Variants in USP47 observed in about 807,000 individuals in gnomAD.
USP47 encodes the protein ubiquitin carboxyl-terminal hydrolase 47.
In USP47, 35 loss-of-function variants were observed where a neutral mutation model predicts 165.1. The ratio of observed to expected loss-of-function variants is 0.21; its 90% CI spans 0.16 to 0.28. The LOEUF is 0.28. Ranked by LOEUF, USP47 falls within the 10% of genes least tolerant of loss-of-function variation. USP47 has a pLI of 1.00. For missense variants in USP47, 1,277 were observed against 1,607.4 expected (o/e 0.79, Z 3.52); for synonymous variants, 531 against 544.5 (o/e 0.98, Z 0.35).
chr11:11,945,427 A>C (rs553429977), intron 20 of USP47, among the ~76,000 whole-genome samples: 17 of 152,328 alleles, frequency 1.1e-4, no homozygotes, highest in African/African-American at 3.9e-4. Flanking sequence ...CTCAGGCAAT[A>C]ATCTGTACTT....
rs1375042113 is a variant in USP47 at position 11,955,076 on chromosome 11, C to T, written c.3805C>T (p.His1269Tyr). 6.2e-7 allele frequency: 1 copy of T among 1,613,696 alleles called. No homozygotes were observed. Among genetic ancestry groups the T allele is most frequent in the East Asian group, 2.2e-5 (1 of 44,826 alleles). ...CTGTGATATTTCTGTCCTTGATATT[C>T]ATCAGGATTTAGACTGGAATCCTAA... is the stretch of plus-strand genomic sequence containing the variant. ...FPCDISVLDI[H>Y]QDLDWNPKVS... is the part of the protein sequence containing the mutation. The change falls in exon 27 of 28, where the codon CAT becomes TAT. Residue 1269 changes from histidine (H) to tyrosine (Y), a missense_variant. Coordinates refer to ENST00000527733, the MANE Select transcript of USP47 (RefSeq NM_001282659.2).
At chr11:11,938,526 G>C (rs1855237868) in intron 18 of USP47, among the ~76,000 whole-genome samples, 154 bp downstream of exon 18, 1 of 152,030 alleles carries the variant, frequency 6.6e-6, no homozygotes, top group Non-Finnish European at 1.5e-5. Flanking sequence ...GAAACAGATT[G>C]AGTAAAGTGT....
intron 25 of USP47, among the ~76,000 whole-genome samples, chr11:11,953,074 A>T (rs2134891557): frequency 6.6e-6 from 1 of 152,264 alleles, no homozygotes; most frequent in East Asian, 1.9e-4. Context: ...CAGGCTCCTG[A>T]TTCTTTGAAA....
chr11:11,940,147 A>C (rs1346484490), intron 18 of USP47, among the ~76,000 whole-genome samples: 1 of 152,032 alleles, frequency 6.6e-6, no homozygotes, highest in East Asian at 1.9e-4. Context: ...TTACTTGGCA[A>C]GTTTGAGAGC....
chr11:11,876,784 G>T (rs1474562503), intron 1 of USP47, among the ~76,000 whole-genome samples: 4 of 152,264 alleles, frequency 2.6e-5, no homozygotes, highest in East Asian at 3.9e-4. Context: ...AAGAGGGAAT[G>T]TTTCCAAGAA....
At chr11:11,891,755 G>A (rs1354240021) in intron 3 of USP47, among the ~76,000 whole-genome samples, 2 of 152,152 alleles carry the variant, frequency 1.3e-5, no homozygotes, top group Admixed American at 1.3e-4. Context: ...GAGTACAATG[G>A]TACTTTTCGT....
chr11:11,891,470 A>G (rs1439746291), intron 3 of USP47, among the ~76,000 whole-genome samples: 1 of 152,250 alleles, frequency 6.6e-6, no homozygotes, highest in African/African-American at 2.4e-5. Flanking sequence ...TCTGAGTGAC[A>G]TTGAAATCTA....
At chr11:11,855,421 T>C (rs541307813) in intron 1 of USP47, among the ~76,000 whole-genome samples, 89 of 152,328 alleles carry the variant, frequency 5.8e-4, no homozygotes, top group Admixed American at 3.5e-3. Context: ...ATGCTTTAAA[T>C]TTGATGCTGT....
At chr11:11,935,999 AC>A (rs1855034422) in intron 16 of USP47, among the ~76,000 whole-genome samples, 1 of 151,994 alleles carries the variant, frequency 6.6e-6, no homozygotes, top group Non-Finnish European at 1.5e-5. Flanking sequence ...AACAATAGTT[AC>A]AATACATTGA....
intron 18 of USP47, 110 bp downstream of exon 18, chr11:11,938,482 A>C (rs555877245): frequency 1.3e-6 from 1 of 769,970 alleles, no homozygotes; most frequent in African/African-American, 1.8e-5. Context: ...GGAGCTAATT[A>C]ATATTTGTAG....
At chr11:11,930,661 T>C (rs752009359) in intron 13 of USP47, 35 bp from the exon 14 acceptor site, 1 of 1,474,876 alleles carries the variant, frequency 6.8e-7, no homozygotes. Context: ...TAATCTACTT[T>C]TTGTCCTTAT....
rs766447619 is a variant in USP47, at chr11:11,922,750, T to C, written c.1245T>C (p.Thr415=). ...AATCTCCTCAGACTGAAAGTTGCACTGACAGTGGAGCAGAAAATGAAGGTA... is the reference window on the plus strand; with the variant it reads ...AATCTCCTCAGACTGAAAGTTGCACCGACAGTGGAGCAGAAAATGAAGGTA... ...DEKSPQTESC[T]DSGAENEGSC... is the part of the protein sequence containing the mutation. The change falls in exon 11 of 28, where the codon ACT becomes ACC. Residue 415 remains threonine (T), a synonymous_variant. Coordinates refer to ENST00000527733, the MANE Select transcript of USP47 (RefSeq NM_001282659.2). The C allele has an allele frequency of 6.2e-7, 1 of 1,610,534 alleles. No individual in the cohort carries two copies. Among genetic ancestry groups the C allele is most frequent in the South Asian group, 1.1e-5 (1 of 90,768 alleles).
chr11:11,944,992 A>G (rs1855730604), intron 20 of USP47, among the ~76,000 whole-genome samples: 1 of 152,226 alleles, frequency 6.6e-6, no homozygotes, highest in Non-Finnish European at 1.5e-5. Context: ...AATCTTTTAA[A>G]TGGAGAATGT....
intron 7 of USP47, among the ~76,000 whole-genome samples, chr11:11,903,871 G>C (rs1323103249): frequency 2.6e-5 from 4 of 152,086 alleles, no homozygotes; most frequent in Non-Finnish European, 5.9e-5. Flanking sequence ...AAGGCTGAAT[G>C]GGATGGGGCT....
chr11:11,890,936 C>G (rs1391561666), intron 3 of USP47, among the ~76,000 whole-genome samples: 1 of 152,132 alleles, frequency 6.6e-6, no homozygotes, highest in Non-Finnish European at 1.5e-5. Flanking sequence ...TACATGTTCT[C>G]ACTTATAAGT....
chr11:11,918,647 A>G (rs1853600086), intron 8 of USP47, among the ~76,000 whole-genome samples: 1 of 152,028 alleles, frequency 6.6e-6, no homozygotes, highest in African/African-American at 2.4e-5. Flanking sequence ...GAATATGAGT[A>G]AAGTATTTGA....
chr11:11,943,044 A>G lies in USP47; in HGVS notation c.3023A>G (p.Glu1008Gly). ...GATGAGAGTGGCAAGAGTAGGGGAG[A>G]AATGCAGTACATGTATTTCAAAGCT... ...EYDESGKSRG[E>G]MQYMYFKAEP... is the part of the protein sequence containing the mutation. Residue 1008 changes from glutamate (E) to glycine (G), a missense_variant, in exon 20 of 28, where the codon GAA (glutamate) becomes GGA (glycine). By Grantham distance (98) the Glu-to-Gly change is moderately conservative. Coordinates refer to ENST00000527733, the MANE Select transcript of USP47 (RefSeq NM_001282659.2). 1.2e-6 allele frequency: 2 copies of G among 1,613,512 alleles called. No homozygotes were observed. Among genetic ancestry groups the G allele is most frequent in the South Asian group, 2.2e-5 (2 of 91,048 alleles).
chr11:11,961,546 A>G lies in USP47; in HGVS notation c.*5371A>G, dbSNP rs1489785900. ...GAAATGGACTCTCCCCAGAGCCTCCAGAGGAATGCAGCCCTGTTGATCACA... is the reference window on the plus strand; with the variant it reads ...GAAATGGACTCTCCCCAGAGCCTCCGGAGGAATGCAGCCCTGTTGATCACA... On this transcript the variant is annotated 3_prime_UTR_variant, in exon 28 of 28. Coordinates refer to ENST00000527733, the MANE Select transcript of USP47 (RefSeq NM_001282659.2). Among the ~76,000 whole-genome samples, 1 of 152,250 alleles carries G rather than the reference A, an allele frequency of 6.6e-6. No homozygotes were observed. Among genetic ancestry groups the G allele is most frequent in the Non-Finnish European group, 1.5e-5 (1 of 68,046 alleles).
Position 11,949,890 on chromosome 11 carries a change from C to T in USP47, c.3350C>T (p.Pro1117Leu). The change falls in exon 23 of 28, where the codon CCA (proline) becomes CTA (leucine). Residue 1117 changes from proline to leucine, a missense_variant and splice_region_variant. Pro to Leu is a moderately conservative substitution (Grantham distance 98). Around this residue, in one of 4 missense-constraint regions of USP47, gnomAD observed 909 missense variants for 1,068.1 expected, o/e 0.85. Transcript: ENST00000527733. ...GATTGTTTATGTTTATATTTCTAGC[C>T]ATGCAAGTTTCTGCTAGATGCTGTG... ...VYQLLVNEQEPCKFLLDAVFA... is the reference protein window; with the variant it reads ...VYQLLVNEQELCKFLLDAVFA... 6.3e-7 allele frequency: 1 copy of T among 1,599,938 alleles called. No homozygotes were observed. Among genetic ancestry groups the T allele is most frequent in the Non-Finnish European group, 8.6e-7 (1 of 1,169,052 alleles).
Sources: allele counts gnomAD v4.1 joint callset (sites outside exome capture counted in the v4.1 genomes callset), GRCh38; gene constraint gnomAD v4.1.1; regional missense constraint gnomAD v4.1.1; transcripts MANE v1.5; gene names NCBI Gene and HGNC (gene_info 2026-07-23, HGNC 2026-07-21).